The following SAMD4A variants were observed in gnomAD, a reference collection of about 807,000 sequenced individuals.
The protein encoded by SAMD4A is protein Smaug homolog 1.
Under a neutral mutation model 81.3 loss-of-function variants are expected in SAMD4A, and 33 were observed. That is an observed-to-expected ratio of 0.41 (90% CI 0.31 to 0.54). The LOEUF (loss-of-function observed/expected upper bound fraction) is 0.54, where lower values mean the gene tolerates loss of function less well. Among genes scored for constraint, SAMD4A ranks in the 20% least tolerant of loss-of-function variants. The pLI, the probability that SAMD4A is intolerant of heterozygous loss-of-function variation, is 0.37. For missense variants in SAMD4A, 854 were observed against 951.1 expected (o/e 0.90, Z 1.34); for synonymous variants, 389 against 382.1 (o/e 1.02, Z -0.21).
intron 2 of SAMD4A, among the ~76,000 whole-genome samples, chr14:54,600,177 T>C (rs1171037799): frequency 1.3e-5 from 2 of 152,294 alleles, no homozygotes; most frequent in East Asian, 3.9e-4. Flanking sequence ...CCTTTTCTGT[T>C]TGGGGGCAAG....
At chr14:54,581,398 AG>A (rs1168380894) in intron 2 of SAMD4A, among the ~76,000 whole-genome samples, 2 of 152,390 alleles carry the variant, frequency 1.3e-5, no homozygotes, top group Middle Eastern at 3.4e-3. Flanking sequence ...GGTGAACACC[AG>A]GCCCCTCTGG....
chr14:54,701,267 G>A (rs1047780151), intron 2 of SAMD4A: 2 of 152,192 alleles, frequency 1.3e-5, no homozygotes, highest in Non-Finnish European at 2.9e-5. Context: ...CTCCCAAAGT[G>A]CTGGGATTAT....
chr14:54,568,381 T>C (rs1403774185), intron 2 of SAMD4A, among the ~76,000 whole-genome samples: 2 of 151,838 alleles, frequency 1.3e-5, no homozygotes, highest in Non-Finnish European at 2.9e-5. Context: ...GCATGAATGA[T>C]TGATTTTTCT....
At chr14:54,617,472 T>TC (rs1566549813) in intron 2 of SAMD4A, among the ~76,000 whole-genome samples, 1 of 46,116 alleles carries the variant, frequency 2.2e-5, no homozygotes, top group African/African-American at 6.8e-5. Flanking sequence ...AATCTTTCCC[T>TC]TTTTTTTTCA....
At chr14:54,656,193 CT>C (rs1463153195) in intron 2 of SAMD4A, among the ~76,000 whole-genome samples, 2 of 152,322 alleles carry the variant, frequency 1.3e-5, no homozygotes, top group East Asian at 3.9e-4. Context: ...TCACTCTCCA[CT>C]AACCTATGGT....
intron 5 of SAMD4A, among the ~76,000 whole-genome samples, chr14:54,750,747 G>C (rs979971381): frequency 2.6e-5 from 4 of 152,150 alleles, no homozygotes; most frequent in African/African-American, 9.7e-5. Context: ...ATCTATATGG[G>C]GTTGGGACCT....
intron 2 of SAMD4A, among the ~76,000 whole-genome samples, chr14:54,670,478 G>A (rs546832969): frequency 7.9e-5 from 12 of 152,186 alleles, no homozygotes; most frequent in African/African-American, 2.7e-4. Flanking sequence ...GGAGCCAGAC[G>A]AAGCCTGGGG....
chr14:54,787,530 C>T (rs1197598114), intron 12 of SAMD4A, among the ~76,000 whole-genome samples: 4 of 152,186 alleles, frequency 2.6e-5, no homozygotes, highest in African/African-American at 9.6e-5. Context: ...CCTTCTCACA[C>T]CCAAGTTCTG....
chr14:54,736,896 G>C (rs779705691), intron 3 of SAMD4A, 128 bp from the exon 4 acceptor site: 1 of 1,094,680 alleles, frequency 9.1e-7, no homozygotes, highest in Non-Finnish European at 1.3e-6. Flanking sequence ...TATTCAACCT[G>C]CTGTGACCAT....
At chr14:54,592,375 C>G (rs2033800903) in intron 2 of SAMD4A, among the ~76,000 whole-genome samples, 1 of 152,228 alleles carries the variant, frequency 6.6e-6, no homozygotes, top group Non-Finnish European at 1.5e-5. Flanking sequence ...TTCTTCTCCT[C>G]TTTCCTTCCC....
intron 2 of SAMD4A, among the ~76,000 whole-genome samples, chr14:54,672,609 G>T: frequency 6.6e-6 from 1 of 152,134 alleles, no homozygotes; most frequent in Non-Finnish European, 1.5e-5. Context: ...GCTGCATAAA[G>T]GTTATCATGA....
intron 6 of SAMD4A, among the ~76,000 whole-genome samples, chr14:54,758,099 C>T (rs1287293024): frequency 6.7e-6 from 1 of 148,752 alleles, no homozygotes; most frequent in Non-Finnish European, 1.5e-5. Flanking sequence ...GCGAAACTCT[C>T]CTAAGAGAAA....
intron 3 of SAMD4A, 119 bp downstream of exon 3, chr14:54,702,699 T>G (rs2036751140): frequency 8.2e-7 from 1 of 1,226,178 alleles, no homozygotes; most frequent in African/African-American, 1.5e-5. Context: ...AAGGACTGAT[T>G]GGAATTGGCT....
intron 3 of SAMD4A, among the ~76,000 whole-genome samples, chr14:54,712,137 A>G (rs2037005202): frequency 6.6e-6 from 1 of 152,170 alleles, no homozygotes; most frequent in South Asian, 2.1e-4. Flanking sequence ...GGAAGGGTGA[A>G]GCCTGGGGAC....
intron 11 of SAMD4A, among the ~76,000 whole-genome samples, chr14:54,782,528 G>A (rs575106559): frequency 7.2e-5 from 11 of 152,106 alleles, no homozygotes; most frequent in South Asian, 2.1e-4. Flanking sequence ...GGGTGGGGGC[G>A]GTGGAGACTC....
intron 2 of SAMD4A, among the ~76,000 whole-genome samples, chr14:54,697,154 C>A (rs529940359): frequency 6.6e-6 from 1 of 152,218 alleles, no homozygotes; most frequent in East Asian, 1.9e-4. Flanking sequence ...CAAGTCCCTG[C>A]ATGTAGGGTC....
chr14:54,670,231 C>A (rs2035850646), intron 2 of SAMD4A, among the ~76,000 whole-genome samples: 1 of 152,144 alleles, frequency 6.6e-6, no homozygotes, highest in South Asian at 2.1e-4. Context: ...TTTTTGTGAT[C>A]GCCGTCCAGT....
intron 2 of SAMD4A, among the ~76,000 whole-genome samples, chr14:54,647,887 G>A (rs764010426): frequency 9.2e-5 from 14 of 152,198 alleles, no homozygotes; most frequent in Non-Finnish European, 1.8e-4. Flanking sequence ...CTACAGCTGC[G>A]CTGTTGATAA....
At chr14:54,784,052 T>C (rs191444951) in intron 11 of SAMD4A, among the ~76,000 whole-genome samples, 145 of 152,200 alleles carry the variant, frequency 9.5e-4, no homozygotes, top group Non-Finnish European at 1.9e-3. Flanking sequence ...CAAAGTCCTT[T>C]CCAAGGAGAT....
Sources: gnomAD v4.1 joint callset for allele counts (sites outside exome capture counted in the v4.1 genomes callset) on GRCh38, gnomAD v4.1.1 for gene constraint, MANE v1.5 for transcripts, NCBI Gene and HGNC (gene_info 2026-07-23, HGNC 2026-07-21) for gene names.